Variants in TRERF1 observed in about 807,000 individuals in gnomAD.
TRERF1 encodes transcriptional-regulating factor 1.
In TRERF1, 27 loss-of-function variants were observed where a neutral mutation model predicts 122.9. The observed-to-expected ratio is 0.22, with a 90% CI of 0.16 to 0.30. The LOEUF (loss-of-function observed/expected upper bound fraction) is 0.30, where lower values mean the gene tolerates loss of function less well. Ranked by LOEUF, TRERF1 falls within the 10% of genes least tolerant of loss-of-function variation. TRERF1 has a pLI of 1.00. For synonymous variants in TRERF1, 636 were observed against 641.7 expected (o/e 0.99, Z 0.13); for missense variants, 1,248 against 1,560.3 (o/e 0.80, Z 3.37).
chr6:42,311,870 A>G (rs1761728591), intron 3 of TRERF1, among the ~76,000 whole-genome samples: 1 of 152,068 alleles, frequency 6.6e-6, no homozygotes. Context: ...CAAGAGGACA[A>G]GAGTGGAGAA....
At chr6:42,329,288 GC>G (rs1371197899) in intron 3 of TRERF1, among the ~76,000 whole-genome samples, 1 of 152,094 alleles carries the variant, frequency 6.6e-6, no homozygotes, top group Admixed American at 6.5e-5. Context: ...GATGTCAGTG[GC>G]CAGGGTGGGG....
At chr6:42,243,619 C>T (rs537064317) in intron 14 of TRERF1, among the ~76,000 whole-genome samples, 25 of 147,782 alleles carry the variant, frequency 1.7e-4, no homozygotes, top group Non-Finnish European at 2.8e-4. Flanking sequence ...CTTGCTCTGT[C>T]GCCCAGGCTG....
chr6:42,394,362 G>A (rs6909525), intron 2 of TRERF1, among the ~76,000 whole-genome samples: 2,803 of 152,256 alleles, frequency 0.018, 85 homozygotes, highest in African/African-American at 0.063. Flanking sequence ...GGGGGACAAG[G>A]CTTGGAAGGC....
intron 2 of TRERF1, among the ~76,000 whole-genome samples, chr6:42,373,830 A>C (rs1774257774): frequency 6.8e-6 from 1 of 147,424 alleles, no homozygotes; most frequent in Non-Finnish European, 1.5e-5. Context: ...AAAAAAAAAA[A>C]GAAGAAGAAA....
intron 2 of TRERF1, among the ~76,000 whole-genome samples, chr6:42,391,968 G>C (rs1562121892): frequency 6.6e-6 from 1 of 152,200 alleles, no homozygotes; most frequent in African/African-American, 2.4e-5. Context: ...TCAGGAACTG[G>C]GAGAAAGACA....
At chr6:42,246,151 A>C (rs961869066) in intron 14 of TRERF1, among the ~76,000 whole-genome samples, 1 of 152,166 alleles carries the variant, frequency 6.6e-6, no homozygotes, top group African/African-American at 2.4e-5. Flanking sequence ...TAAATTGTGG[A>C]CCAGGAACCC....
chr6:42,277,948 G>T (rs948859269), intron 4 of TRERF1, among the ~76,000 whole-genome samples: 11 of 151,152 alleles, frequency 7.3e-5, no homozygotes, highest in Non-Finnish European at 1.2e-4. Flanking sequence ...AGAAGAAGAA[G>T]AAGAAGAAGA....
At chr6:42,395,440 G>A (rs896450380) in intron 2 of TRERF1, among the ~76,000 whole-genome samples, 1 of 152,132 alleles carries the variant, frequency 6.6e-6, no homozygotes, top group Non-Finnish European at 1.5e-5. Flanking sequence ...AGAGGATTGA[G>A]CCCGCAGGAA....
chr6:42,293,737 C>T (rs1206409172), intron 4 of TRERF1, among the ~76,000 whole-genome samples: 1 of 143,802 alleles, frequency 7.0e-6, no homozygotes, highest in African/African-American at 2.6e-5. Flanking sequence ...CCCCTGTCCT[C>T]CACCCACCCC....
chr6:42,237,302 G>A (rs1772471913), intron 15 of TRERF1, among the ~76,000 whole-genome samples: 1 of 152,136 alleles, frequency 6.6e-6, no homozygotes, highest in Admixed American at 6.5e-5. Context: ...GTGCTGGGAT[G>A]GAAGGGCAAC....
At chr6:42,246,309 C>A in intron 14 of TRERF1, 147 bp downstream of exon 14, 1 of 653,300 alleles carries the variant, frequency 1.5e-6, no homozygotes, top group Non-Finnish European at 2.7e-6. Context: ...CCATACCACC[C>A]CTATCTCCAC....
intron 2 of TRERF1, among the ~76,000 whole-genome samples, chr6:42,442,894 T>TG (rs1786779988): frequency 6.6e-6 from 1 of 152,240 alleles, no homozygotes; most frequent in Non-Finnish European, 1.5e-5. Flanking sequence ...GCTGAACAGG[T>TG]GACTCTTAGT....
chr6:42,342,878 G>T (rs1581694036), intron 3 of TRERF1, among the ~76,000 whole-genome samples: 2 of 152,130 alleles, frequency 1.3e-5, no homozygotes, highest in African/African-American at 4.8e-5. Flanking sequence ...CTCTTTTCTA[G>T]GCCCAATTTC....
Position 42,329,755 on chromosome 6 carries a change from C to T in TRERF1, c.-370-29006G>A, listed in dbSNP as rs530170889. Among the ~76,000 whole-genome samples, 7 of 152,228 alleles carry T rather than the reference C, an allele frequency of 4.6e-5. No individual in the cohort carries two copies. The East Asian group carries it at 9.6e-4, about 21-fold the overall frequency. On this transcript the variant is annotated intron_variant, in intron 3 of 17. Coordinates refer to ENST00000372922, the Ensembl canonical transcript of TRERF1. ...GCTGTAATCCCAGCACTTTGGGAGGCTGAGGTGGGCGGATCATGAGGTCAG... is the reference window on the plus strand; with the variant it reads ...GCTGTAATCCCAGCACTTTGGGAGGTTGAGGTGGGCGGATCATGAGGTCAG...
chr6:42,344,178 C>T (rs1176673078), intron 3 of TRERF1, among the ~76,000 whole-genome samples: 3 of 152,176 alleles, frequency 2.0e-5, no homozygotes, highest in Admixed American at 6.5e-5. Flanking sequence ...CTGCTCCATG[C>T]CCCCACTATT....
intron 3 of TRERF1, among the ~76,000 whole-genome samples, chr6:42,339,035 A>G (rs1487756915): frequency 6.6e-6 from 1 of 152,156 alleles, no homozygotes; most frequent in Non-Finnish European, 1.5e-5. Context: ...GGGTGAACAC[A>G]TGCTACTGCC....
intron 2 of TRERF1, among the ~76,000 whole-genome samples, chr6:42,367,720 C>T (rs1339824767): frequency 6.6e-6 from 1 of 152,184 alleles, no homozygotes; most frequent in Non-Finnish European, 1.5e-5. Flanking sequence ...TCTCTCCCAC[C>T]CCTACCCACT....
intron 4 of TRERF1, among the ~76,000 whole-genome samples, chr6:42,272,784 C>T (rs1392423211): frequency 1.3e-5 from 2 of 152,204 alleles, no homozygotes; most frequent in Non-Finnish European, 2.9e-5. Flanking sequence ...CAGACACCCA[C>T]TCCTTTCCTC....
chr6:42,385,441 C>T (rs551009984), intron 2 of TRERF1, among the ~76,000 whole-genome samples: 2 of 152,278 alleles, frequency 1.3e-5, no homozygotes, highest in South Asian at 4.1e-4. Flanking sequence ...CCACCACCAC[C>T]CTGAAGTTAC....
Sources: gnomAD v4.1 joint callset for allele counts (sites outside exome capture counted in the v4.1 genomes callset) on GRCh38, gnomAD v4.1.1 for gene constraint, MANE v1.5 for transcripts, NCBI Gene and HGNC (gene_info 2026-07-23, HGNC 2026-07-21) for gene names.